The following VPS13B variants were observed in gnomAD, a reference collection of about 807,000 sequenced individuals.
VPS13B encodes vacuolar protein sorting 13 homolog B.
In VPS13B, 285 loss-of-function variants were observed where a neutral mutation model predicts 426.4. That is an observed-to-expected ratio of 0.67 (90% CI 0.61 to 0.74). VPS13B has a LOEUF of 0.74. Ranked by LOEUF, VPS13B falls within the 30% of genes least tolerant of loss-of-function variation. The probability of loss-of-function intolerance (pLI) is 0.00; values close to 1 mark genes in which losing one functional copy is unlikely to be tolerated. For missense variants in VPS13B, 4,537 were observed against 4,782.6 expected (o/e 0.95, Z 1.51); for synonymous variants, 1,676 against 1,676.4 (o/e 1.00, Z 0.01).
Position 99,848,889 on chromosome 8 carries a change from C to G in VPS13B, c.10056C>G (p.Thr3352=). The change falls in exon 55 of 62, where the codon ACC becomes ACG. Residue 3352 remains threonine, a synonymous_variant. Transcript: ENST00000357162. Reference sequence around the variant, plus strand: ...AAGCAGGACCTATTTTAACCAATACCAACAGGTAGGTTTAATTATTTTCCC... The same window carrying G: ...AAGCAGGACCTATTTTAACCAATACGAACAGGTAGGTTTAATTATTTTCCC... ...EGKAGPILTN[T]NRAPEKIVTF... is the part of the protein sequence containing the mutation. 1 of 1,612,996 alleles carries G rather than the reference C, an allele frequency of 6.2e-7. No homozygotes were observed. The highest frequency in any genetic ancestry group is 8.5e-7 in the Non-Finnish European group (1 of 1,178,984).
At chr8:99,459,202 G>A (rs1429581688) in intron 23 of VPS13B, among the ~76,000 whole-genome samples, 4 of 152,104 alleles carry the variant, frequency 2.6e-5, no homozygotes, top group Admixed American at 1.3e-4. Flanking sequence ...GCAATTCTTG[G>A]CTGCAGCATT....
rs193170374 is a variant in VPS13B at position 99,509,324 on chromosome 8, G to T, written c.4225-1780G>T. On this transcript the variant is annotated intron_variant, in intron 28 of 61. Transcript: ENST00000357162. ...CAAAAGAGAAACAGTGAAAATGTTG[G>T]GAACAGTGAAAAATGCTTTGAGAGC... 1.7e-4 allele frequency among the ~76,000 whole-genome samples: 26 copies of T among 151,910 alleles called. 1 individual carries two copies. The highest frequency in any genetic ancestry group is 1.6e-3 in the Admixed American group (25 of 15,224).
chr8:99,579,817 C>T (rs1415285325), intron 33 of VPS13B, among the ~76,000 whole-genome samples: 5 of 151,264 alleles, frequency 3.3e-5, no homozygotes, highest in African/African-American at 9.7e-5. Flanking sequence ...CCTGCCTCAG[C>T]GTCCCGGGTT....
intron 19 of VPS13B, among the ~76,000 whole-genome samples, chr8:99,290,863 T>C (rs1229137451): frequency 6.6e-6 from 1 of 151,988 alleles, no homozygotes; most frequent in Admixed American, 6.6e-5. Context: ...TTTCTGTGGA[T>C]TTGAAGATTT....
chr8:99,050,904 G>A (rs922134940), intron 3 of VPS13B, among the ~76,000 whole-genome samples: 3 of 152,104 alleles, frequency 2.0e-5, no homozygotes, highest in Admixed American at 1.3e-4. Flanking sequence ...ATATTTGTTT[G>A]AGTTCATTGT....
chr8:99,710,211 A>G (rs1368033147), intron 36 of VPS13B, among the ~76,000 whole-genome samples: 14 of 151,882 alleles, frequency 9.2e-5, no homozygotes, highest in Non-Finnish European at 1.9e-4. Flanking sequence ...CTTATTTGTT[A>G]TAAACACACA....
chr8:99,518,135 G>A (rs532804568), intron 29 of VPS13B, among the ~76,000 whole-genome samples: 8 of 151,836 alleles, frequency 5.3e-5, no homozygotes, highest in Non-Finnish European at 1.2e-4. Context: ...CACCAAGTAC[G>A]TCATTTCTCC....
chr8:99,712,759 CAAAAAAA>C (rs386360840), intron 36 of VPS13B, among the ~76,000 whole-genome samples: 17 of 98,144 alleles, frequency 1.7e-4, no homozygotes, highest in East Asian at 8.2e-4. Context: ...GTCCCCAAGC[CAAAAAAA>C]AAAAAAAAAA....
At chr8:99,717,111 T>C (rs1832956087) in intron 36 of VPS13B, 60 bp from the exon 37 acceptor site, 1 of 1,477,880 alleles carries the variant, frequency 6.8e-7, no homozygotes, top group Non-Finnish European at 9.3e-7. Flanking sequence ...TAGATAGTTC[T>C]TTCCCAAACA....
chr8:99,789,409 A>G (rs1206156331), intron 43 of VPS13B, among the ~76,000 whole-genome samples: 15 of 152,190 alleles, frequency 9.9e-5, no homozygotes. Context: ...CTATGTGTGC[A>G]TGCATGTTAA....
At chr8:99,487,996 A>C (rs1820400112) in intron 25 of VPS13B, among the ~76,000 whole-genome samples, 1 of 152,206 alleles carries the variant, frequency 6.6e-6, no homozygotes, top group South Asian at 2.1e-4. Context: ...CACCTGAAAA[A>C]CCATTTTAAA....
At chr8:99,163,321 G>T (rs1811783331) in intron 15 of VPS13B, among the ~76,000 whole-genome samples, 1 of 152,254 alleles carries the variant, frequency 6.6e-6, no homozygotes, top group Non-Finnish European at 1.5e-5. Flanking sequence ...AGACTCAGGA[G>T]CCCAGCTGGC....
At chr8:99,403,735 G>T (rs1253671562) in intron 21 of VPS13B, among the ~76,000 whole-genome samples, 1 of 152,154 alleles carries the variant, frequency 6.6e-6, no homozygotes, top group East Asian at 1.9e-4. Context: ...CAGAAAAAAT[G>T]CAAGAATAGT....
intron 31 of VPS13B, among the ~76,000 whole-genome samples, chr8:99,574,237 C>T (rs778862587): frequency 2.2e-4 from 33 of 152,158 alleles, no homozygotes; most frequent in Non-Finnish European, 4.9e-4. Flanking sequence ...ACAATCATGT[C>T]GTCTGCAAAC....
chr8:99,151,916 A>G (rs1811100682), intron 14 of VPS13B, among the ~76,000 whole-genome samples: 1 of 152,122 alleles, frequency 6.6e-6, no homozygotes, highest in South Asian at 2.1e-4. Context: ...GACATTAGGA[A>G]TTTGTATTCT....
intron 17 of VPS13B, among the ~76,000 whole-genome samples, chr8:99,248,881 C>G (rs1031263115): frequency 1.5e-4 from 23 of 152,262 alleles, no homozygotes; most frequent in African/African-American, 5.1e-4. Context: ...AGCCCACTTC[C>G]CCTTATTAGG....
rs182458636 is a variant in VPS13B, at chr8:99,086,087, C to A, written c.292-10225C>A. 6.4e-3 allele frequency among the ~76,000 whole-genome samples: 969 copies of A among 152,336 alleles called. 8 individuals carry two copies. The highest frequency in any genetic ancestry group is 0.022 in the African/African-American group (910 of 41,588). On this transcript the variant is annotated intron_variant, in intron 3 of 61. Coordinates refer to ENST00000357162, the MANE Select transcript of VPS13B (RefSeq NM_152564.5). ...TTGTTTCCATTCTCCCTGTCACTTTCAGATACACCAGTGAGACATAGATTT... is the reference window on the plus strand; with the variant it reads ...TTGTTTCCATTCTCCCTGTCACTTTAAGATACACCAGTGAGACATAGATTT...
chr8:99,523,924 C>A (rs188720783), intron 30 of VPS13B, among the ~76,000 whole-genome samples: 71 of 152,124 alleles, frequency 4.7e-4, no homozygotes, highest in African/African-American at 1.6e-3. Context: ...CCTGGATAGA[C>A]AGAGATATGT....
chr8:99,565,005 C>T (rs1458848450), intron 31 of VPS13B, among the ~76,000 whole-genome samples: 4 of 152,184 alleles, frequency 2.6e-5, no homozygotes, highest in Non-Finnish European at 5.9e-5. Context: ...CTGCCATGTG[C>T]AGTTTGCACA....
Sources: allele counts gnomAD v4.1 joint callset (sites outside exome capture counted in the v4.1 genomes callset), GRCh38; gene constraint gnomAD v4.1.1; transcripts MANE v1.5; gene names NCBI Gene and HGNC (gene_info 2026-07-23, HGNC 2026-07-21).